CNTNAP2: variants seen among roughly 807,000 people sequenced by gnomAD.
CNTNAP2 encodes the protein contactin-associated protein-like 2.
In CNTNAP2, 98 loss-of-function variants were observed where a neutral mutation model predicts 155.2. That is an observed-to-expected ratio of 0.63 (90% confidence interval 0.54 to 0.75). The LOEUF (loss-of-function observed/expected upper bound fraction) is 0.75. Ranked by LOEUF, CNTNAP2 falls within the 30% of genes least tolerant of loss-of-function variation. The pLI is 0.00. For synonymous variants in CNTNAP2, 651 were observed against 631.2 expected (o/e 1.03, Z -0.47); for missense variants, 1,727 against 1,688.1 (o/e 1.02, Z -0.40).
chr7:146,898,113 A>G (rs1028034853), intron 3 of CNTNAP2, among the ~76,000 whole-genome samples: 7 of 152,078 alleles, frequency 4.6e-5, no homozygotes, highest in African/African-American at 1.7e-4. Flanking sequence ...TTGAAAAGAT[A>G]ATGGAAAAAT....
intron 14 of CNTNAP2, among the ~76,000 whole-genome samples, chr7:147,967,327 G>A (rs1043857182): frequency 2.6e-5 from 4 of 152,172 alleles, no homozygotes; most frequent in Non-Finnish European, 4.4e-5. Context: ...TTTAAAAAAT[G>A]TAAACATGCA....
At chr7:146,531,491 C>T (rs766032218) in intron 1 of CNTNAP2, among the ~76,000 whole-genome samples, 1 of 151,870 alleles carries the variant, frequency 6.6e-6, no homozygotes, top group Non-Finnish European at 1.5e-5. Context: ...TCAGTAAATG[C>T]CTGGAAGACA....
chr7:148,165,636 A>T (rs1562980691), intron 17 of CNTNAP2, among the ~76,000 whole-genome samples: 1 of 152,190 alleles, frequency 6.6e-6, no homozygotes, highest in South Asian at 2.1e-4. Flanking sequence ...AATGCCACAC[A>T]TAAGGAGACT....
chr7:147,801,033 T>C (rs1797974326), intron 13 of CNTNAP2, among the ~76,000 whole-genome samples: 1 of 152,162 alleles, frequency 6.6e-6, no homozygotes, highest in Non-Finnish European at 1.5e-5. Context: ...ACAACACATA[T>C]CTCAGAACAT....
intron 1 of CNTNAP2, among the ~76,000 whole-genome samples, chr7:146,574,743 G>C (rs1798497251): frequency 6.6e-6 from 1 of 152,006 alleles, no homozygotes. Flanking sequence ...ATACAACACA[G>C]TTTCTTATAA....
intron 6 of CNTNAP2, among the ~76,000 whole-genome samples, chr7:147,123,131 C>T (rs1027954410): frequency 2.0e-5 from 3 of 151,984 alleles, no homozygotes. Flanking sequence ...CTAAAAAAAA[C>T]TCTTAAAAGC....
At chr7:148,229,295 G>A (rs928182991) in intron 19 of CNTNAP2, among the ~76,000 whole-genome samples, 2 of 152,196 alleles carry the variant, frequency 1.3e-5, no homozygotes, top group East Asian at 1.9e-4. Context: ...AGGCTGAGGC[G>A]AACGGATAGC....
At chr7:148,261,285 C>T (rs1796556624) in intron 20 of CNTNAP2, among the ~76,000 whole-genome samples, 1 of 152,142 alleles carries the variant, frequency 6.6e-6, no homozygotes, top group South Asian at 2.1e-4. Flanking sequence ...TTCAGCCTCT[C>T]AAGTAGCTGG....
At chr7:147,993,847 A>G (rs1387874457) in intron 15 of CNTNAP2, among the ~76,000 whole-genome samples, 1 of 152,090 alleles carries the variant, frequency 6.6e-6, no homozygotes, top group African/African-American at 2.4e-5. Context: ...AGCCTACCTA[A>G]CTTTAATAGC....
chr7:146,780,054 A>C (rs1453887316), intron 2 of CNTNAP2, among the ~76,000 whole-genome samples: 1 of 152,214 alleles, frequency 6.6e-6, no homozygotes, highest in Non-Finnish European at 1.5e-5. Context: ...TGCTGGGTCA[A>C]ATGGTATTTC....
intron 21 of CNTNAP2, among the ~76,000 whole-genome samples, chr7:148,277,180 A>T (rs1796884415): frequency 1.3e-5 from 2 of 152,144 alleles, no homozygotes; most frequent in African/African-American, 4.8e-5. Flanking sequence ...AGAGACCTGG[A>T]TGCATGCTGG....
chr7:147,881,484 A>C (rs1289715600), intron 13 of CNTNAP2, among the ~76,000 whole-genome samples: 1 of 152,214 alleles, frequency 6.6e-6, no homozygotes, highest in Non-Finnish European at 1.5e-5. Context: ...CTGCAAAGAT[A>C]AAGTGAGATG....
At chr7:148,131,386 C>CA (rs1234118093) in intron 16 of CNTNAP2, among the ~76,000 whole-genome samples, 1 of 152,134 alleles carries the variant, frequency 6.6e-6, no homozygotes, top group Non-Finnish European at 1.5e-5. Context: ...CATAAGCCAC[C>CA]ACGCCCTGCC....
intron 13 of CNTNAP2, among the ~76,000 whole-genome samples, chr7:147,837,447 A>G (rs189081228): frequency 1.3e-5 from 2 of 152,238 alleles, no homozygotes; most frequent in Admixed American, 6.5e-5. Context: ...GGGTGGGGAC[A>G]CAGCCAAACC....
At chr7:146,996,009 T>A (rs574777736) in intron 3 of CNTNAP2, among the ~76,000 whole-genome samples, 1 of 152,252 alleles carries the variant, frequency 6.6e-6, no homozygotes, top group Non-Finnish European at 1.5e-5. Context: ...TGTTTTTGTT[T>A]TTGTTTTTTT....
chr7:147,056,678 TA>T (rs1799567579), intron 4 of CNTNAP2, among the ~76,000 whole-genome samples: 1 of 152,226 alleles, frequency 6.6e-6, no homozygotes, highest in African/African-American at 2.4e-5. Context: ...CAACAAAACC[TA>T]CCCAGTGAGG....
At chr7:146,588,090 G>T (rs979533987) in intron 1 of CNTNAP2, among the ~76,000 whole-genome samples, 1 of 151,392 alleles carries the variant, frequency 6.6e-6, no homozygotes, top group Non-Finnish European at 1.5e-5. Context: ...ATGGATTCAC[G>T]TTGCCATATA....
intron 3 of CNTNAP2, among the ~76,000 whole-genome samples, chr7:146,943,887 T>C (rs1797105209): frequency 6.6e-6 from 1 of 152,120 alleles, no homozygotes; most frequent in Admixed American, 6.5e-5. Flanking sequence ...AACACAGCAT[T>C]TTAGGAGGAT....
intron 1 of CNTNAP2, among the ~76,000 whole-genome samples, chr7:146,196,680 G>A (rs1165798075): frequency 1.3e-5 from 2 of 152,088 alleles, no homozygotes; most frequent in Admixed American, 1.3e-4. Flanking sequence ...GACATGGCAT[G>A]TATAGAAAAC....
Sources: gnomAD v4.1 joint callset for allele counts (sites outside exome capture counted in the v4.1 genomes callset) on GRCh38, gnomAD v4.1.1 for gene constraint, MANE v1.5 for transcripts, NCBI Gene and HGNC (gene_info 2026-07-23, HGNC 2026-07-21) for gene names.